The following GAD2 variants were observed in gnomAD, a reference collection of about 807,000 sequenced individuals.
The protein encoded by GAD2 is 65 kDa glutamic acid decarboxylase.
A neutral mutation model predicts 80.1 loss-of-function variants in GAD2; 22 were observed. The ratio of observed to expected loss-of-function variants is 0.27; its 90% CI spans 0.20 to 0.39. The LOEUF is 0.39. Ranked by LOEUF, GAD2 falls within the 10% of genes least tolerant of loss-of-function variation. The pLI is 1.00. For missense variants in GAD2, 624 were observed against 738.4 expected, an observed-to-expected ratio of 0.85 and a Z score of 1.80; for synonymous variants, 274 against 256.9, an observed-to-expected ratio of 1.07 and a Z score of -0.64.
chr10:26,290,864 A>G (rs74126408), intron 13 of GAD2, among the ~76,000 whole-genome samples: 2,628 of 152,330 alleles, frequency 0.017, 77 homozygotes, highest in African/African-American at 0.06. Context: ...ATAAATATTC[A>G]ATATGAACGG....
intron 8 of GAD2, among the ~76,000 whole-genome samples, chr10:26,250,047 A>C (rs1844859982): frequency 6.6e-6 from 1 of 151,792 alleles, no homozygotes; most frequent in East Asian, 1.9e-4. Context: ...TTTTTAAGAC[A>C]TGAGGTCTTG....
At chr10:26,276,325 A>G (rs1371954381) in intron 11 of GAD2, among the ~76,000 whole-genome samples, 1 of 152,160 alleles carries the variant, frequency 6.6e-6, no homozygotes, top group Non-Finnish European at 1.5e-5. Context: ...AGGGCACGCC[A>G]CAAACCCTGA....
chr10:26,300,868 T>C lies in GAD2; in HGVS notation c.1665T>C (p.Asn555=), dbSNP rs1834321887. Residue 555 remains asparagine (N), a synonymous_variant, in exon 16 of 16, where the codon AAT becomes AAC. Coordinates refer to ENST00000376261, the MANE Select transcript of GAD2 (RefSeq NM_001134366.2). The part of the protein sequence containing the change: ...VSYQPLGDKV[N]FFRMVISNPA... ...ACCAACCCTTGGGAGACAAGGTCAA[T>C]TTCTTCCGCATGGTCATCTCAAACC... 2 of 1,613,834 alleles carry C rather than the reference T, an allele frequency of 1.2e-6. No homozygotes were observed. Among genetic ancestry groups the C allele is most frequent in the Non-Finnish European group, 1.7e-6 (2 of 1,179,892 alleles).
At chr10:26,264,213 C>T (rs1480347763) in intron 8 of GAD2, among the ~76,000 whole-genome samples, 1 of 151,916 alleles carries the variant, frequency 6.6e-6, no homozygotes, top group African/African-American at 2.4e-5. Flanking sequence ...ATACTATTAT[C>T]TTATAAATGA....
chr10:26,219,408 A>C (rs539511020), intron 4 of GAD2, 132 bp downstream of exon 4: 1 of 614,278 alleles, frequency 1.6e-6, no homozygotes, highest in East Asian at 2.8e-5. Flanking sequence ...ATCATGTAAA[A>C]AATAGTCATT....
chr10:26,250,371 C>T (rs1844863692), intron 8 of GAD2, among the ~76,000 whole-genome samples: 1 of 152,092 alleles, frequency 6.6e-6, no homozygotes, highest in African/African-American at 2.4e-5. Context: ...ATGCTTTTTT[C>T]AGAAAATGGC....
At chr10:26,274,298 C>T (rs1039407429) in intron 11 of GAD2, among the ~76,000 whole-genome samples, 10 of 152,250 alleles carry the variant, frequency 6.6e-5, no homozygotes, top group African/African-American at 2.2e-4. Context: ...TTAGAGCCTA[C>T]GCAGAAGACT....
chr10:26,254,012 C>A (rs570103626), intron 8 of GAD2, among the ~76,000 whole-genome samples: 3 of 152,158 alleles, frequency 2.0e-5, no homozygotes, highest in Admixed American at 1.3e-4. Context: ...TAGTTAGATT[C>A]TTTTTCTTTT....
At chr10:26,286,978 A>G (rs1845341321) in intron 13 of GAD2, among the ~76,000 whole-genome samples, 1 of 152,162 alleles carries the variant, frequency 6.6e-6, no homozygotes, top group African/African-American at 2.4e-5. Context: ...TAATCTCCCA[A>G]AATACCTAAT....
Position 26,216,973 on chromosome 10 carries a change from C to A in GAD2, c.76+88C>A. Reference sequence around the variant, plus strand: ...TACGGAGAAGACGAAGGAGGTTTTTCCACCTGCAACAGGAAACTTCTTCGG... The same window carrying A: ...TACGGAGAAGACGAAGGAGGTTTTTACACCTGCAACAGGAAACTTCTTCGG... On this transcript the variant is annotated intron_variant, in intron 1 of 15. Coordinates refer to ENST00000376261, the MANE Select transcript of GAD2 (RefSeq NM_001134366.2). The surrounding 1 kb of genome is among the most constrained non-coding windows in gnomAD (Gnocchi z 4.7). 1.7e-6 allele frequency: 2 copies of A among 1,172,100 alleles called. No homozygotes were observed. Among genetic ancestry groups the A allele is most frequent in the East Asian group, 2.5e-5 (1 of 39,366 alleles). 72.6% of individuals were successfully genotyped at this position (1,172,100 alleles called of 1,614,324 possible). A position where few individuals can be genotyped will look rare whatever the true frequency, so the allele number is the denominator to read the frequency against.
At chr10:26,261,278 T>C (rs1448032006) in intron 8 of GAD2, among the ~76,000 whole-genome samples, 1 of 152,222 alleles carries the variant, frequency 6.6e-6, no homozygotes. Flanking sequence ...TTCATTTGTT[T>C]TCCCCTAGAA....
intron 8 of GAD2, among the ~76,000 whole-genome samples, chr10:26,258,734 T>C (rs371597751): frequency 6.6e-6 from 1 of 152,332 alleles, no homozygotes; most frequent in African/African-American, 2.4e-5. Context: ...GGCTGAATAA[T>C]ATTCCATCGT....
intron 8 of GAD2, among the ~76,000 whole-genome samples, chr10:26,266,958 C>T (rs1845080736): frequency 6.6e-6 from 1 of 152,162 alleles, no homozygotes; most frequent in Non-Finnish European, 1.5e-5. Flanking sequence ...GTCACTTCTC[C>T]TTTCAGGCTG....
intron 7 of GAD2, among the ~76,000 whole-genome samples, chr10:26,231,737 G>A (rs745489206): frequency 2.0e-5 from 3 of 152,242 alleles, no homozygotes; most frequent in East Asian, 3.9e-4. Context: ...ATTCTTCCTC[G>A]AGGCTCTCTG....
At chr10:26,288,688 C>A (rs1263721510) in intron 13 of GAD2, among the ~76,000 whole-genome samples, 1 of 152,178 alleles carries the variant, frequency 6.6e-6, no homozygotes, top group Non-Finnish European at 1.5e-5. Flanking sequence ...CAAGTTCTCT[C>A]TTACTTCAAG....
Position 26,300,856 on chromosome 10 carries a change from A to C in GAD2, c.1653A>C (p.Gly551=), listed in dbSNP as rs1321657364. 1.2e-6 allele frequency: 2 copies of C among 1,613,958 alleles called. No homozygotes were observed. The highest frequency in any genetic ancestry group is 1.7e-5 in the Admixed American group (1 of 60,018). Residue 551 remains glycine (G), a synonymous_variant, in exon 16 of 16, where the codon GGA becomes GGC. Coordinates refer to ENST00000376261, the MANE Select transcript of GAD2 (RefSeq NM_001134366.2). ...GTTMVSYQPL[G]DKVNFFRMVI... Reference sequence around the variant, plus strand: ...CAATGGTCAGCTACCAACCCTTGGGAGACAAGGTCAATTTCTTCCGCATGG... The same window carrying C: ...CAATGGTCAGCTACCAACCCTTGGGCGACAAGGTCAATTTCTTCCGCATGG...
rs1845265106 is a variant in GAD2 at position 26,281,049 on chromosome 10, G to A, written c.1198G>A (p.Val400Ile). 1 of 1,613,658 alleles carries A rather than the reference G, an allele frequency of 6.2e-7. No individual in the cohort carries two copies. The highest frequency in any genetic ancestry group is 1.3e-5 in the African/African-American group (1 of 74,920). Residue 400 changes from valine (V) to isoleucine (I), a missense_variant, in exon 12 of 16, where the codon GTC becomes ATC. By Grantham distance (29) the Val-to-Ile change is conservative. Coordinates refer to ENST00000376261, the MANE Select transcript of GAD2 (RefSeq NM_001134366.2). ...GTGGAATCCACACAAGATGATGGGA[G>A]TCCCTTTGCAGTGCTCTGCTCTCCT... ...VTWNPHKMMG[V>I]PLQCSALLVR...
At chr10:26,227,641 AG>A (rs1207684262) in intron 6 of GAD2, among the ~76,000 whole-genome samples, 1 of 152,108 alleles carries the variant, frequency 6.6e-6, no homozygotes, top group Non-Finnish European at 1.5e-5. Flanking sequence ...TCTGGGGGAG[AG>A]GGTGCTATGG....
At chr10:26,280,432 A>G (rs1341650462) in intron 11 of GAD2, among the ~76,000 whole-genome samples, 1 of 152,172 alleles carries the variant, frequency 6.6e-6, no homozygotes, top group Non-Finnish European at 1.5e-5. Context: ...TTGGTCTGGA[A>G]AGGAAGGACA....
Sources: gnomAD v4.1 joint callset for allele counts (sites outside exome capture counted in the v4.1 genomes callset) on GRCh38, gnomAD v4.1.1 for gene constraint, Gnocchi (gnomAD v3.1) non-coding constraint, MANE v1.5 for transcripts, NCBI Gene and HGNC (gene_info 2026-07-23, HGNC 2026-07-21) for gene names.